Variants in TBCEL observed in about 807,000 individuals in gnomAD.
The protein encoded by TBCEL is tubulin folding cofactor E like.
TBCEL carries 15 observed loss-of-function variants against 44.2 expected under a neutral mutation model. The observed-to-expected ratio is 0.34, with a 90% CI of 0.23 to 0.52. The LOEUF is 0.52. TBCEL is among the 20% of genes least tolerant of loss of function. The pLI is 0.95. For missense variants in TBCEL, 319 were observed against 506.3 expected (o/e 0.63, Z 3.55); for synonymous variants, 171 against 185.4 (o/e 0.92, Z 0.63).
intron 2 of TBCEL, among the ~76,000 whole-genome samples, chr11:121,043,236 A>T (rs1445088724): frequency 6.6e-6 from 1 of 152,130 alleles, no homozygotes; most frequent in Non-Finnish European, 1.5e-5. Context: ...AGCGATTTTA[A>T]TACTCGGCAA....
Position 121,087,387 on chromosome 11 carries a change from G to T in TBCEL, c.*291G>T. The T allele has an allele frequency of 2.7e-6, 1 of 364,656 alleles. No homozygotes were observed. Among genetic ancestry groups the T allele is most frequent in the Non-Finnish European group, 5.0e-6 (1 of 198,444 alleles). The allele number at this position is 364,656 out of a possible 1,614,324, so 22.6% of individuals were successfully genotyped here. On this transcript the variant is annotated 3_prime_UTR_variant, in exon 9 of 9. Coordinates refer to ENST00000683345, the MANE Select transcript of TBCEL (RefSeq NM_001363644.2). ...ACCGACTTCTTACTGTGTTCACTGG[G>T]ATTTGCCTGCCACTTGGTTATCATT... is the stretch of plus-strand genomic sequence containing the variant.
intron 1 of TBCEL, among the ~76,000 whole-genome samples, chr11:121,029,464 A>G (rs952984643): frequency 6.6e-6 from 1 of 152,252 alleles, no homozygotes; most frequent in Non-Finnish European, 1.5e-5. Context: ...ATAACTGTGA[A>G]ATGGCTATTA....
intron 8 of TBCEL, among the ~76,000 whole-genome samples, chr11:121,080,409 TA>T: frequency 6.6e-6 from 1 of 152,318 alleles, no homozygotes; most frequent in East Asian, 1.9e-4. Flanking sequence ...CTGGGATATT[TA>T]TGATCCCATT....
rs1945694257 is a variant in TBCEL at position 121,060,152 on chromosome 11, G to C, written c.956+67G>C. ...ATGCCAGTTAAGAACTCTAGTGTTAGAGCAAAATCTAATCATTTGTTATTG... is the reference window on the plus strand; with the variant it reads ...ATGCCAGTTAAGAACTCTAGTGTTACAGCAAAATCTAATCATTTGTTATTG... On this transcript the variant is annotated intron_variant, in intron 8 of 8. Coordinates refer to ENST00000683345, the MANE Select transcript of TBCEL (RefSeq NM_001363644.2). 3.7e-6 allele frequency: 4 copies of C among 1,084,322 alleles called. No individual in the cohort carries two copies. The Admixed American group carries it at 5.8e-5, about 16-fold the overall frequency. The allele number at this position is 1,084,322 out of a possible 1,614,324, so 67.2% of individuals were successfully genotyped here. A position where few individuals can be genotyped will look rare whatever the true frequency, so the allele number is the denominator to read the frequency against.
chr11:121,041,551 A>C (rs1945333411), intron 2 of TBCEL, among the ~76,000 whole-genome samples: 1 of 152,132 alleles, frequency 6.6e-6, no homozygotes, highest in Non-Finnish European at 1.5e-5. Flanking sequence ...AATGCATTAG[A>C]ACTCTGCTAA....
At chr11:121,040,897 A>T (rs931248953) in intron 2 of TBCEL, among the ~76,000 whole-genome samples, 2 of 152,184 alleles carry the variant, frequency 1.3e-5, no homozygotes, top group Non-Finnish European at 2.9e-5. Flanking sequence ...TCAACTGTCG[A>T]TACTACTTTT....
chr11:121,058,132 C>T (rs1355672810), intron 6 of TBCEL, among the ~76,000 whole-genome samples: 5 of 151,770 alleles, frequency 3.3e-5, no homozygotes, highest in Admixed American at 1.3e-4. Context: ...TCTCTTAACC[C>T]GTGGATCACA....
At chr11:121,059,901 T>G in intron 7 of TBCEL, 68 bp from the exon 8 acceptor site, 1 of 1,104,626 alleles carries the variant, frequency 9.1e-7, no homozygotes, top group Non-Finnish European at 1.3e-6. Context: ...ACAAGCCAAT[T>G]AGTTTCTTTC....
At chr11:121,043,168 C>T (rs909439740) in intron 2 of TBCEL, among the ~76,000 whole-genome samples, 1 of 151,902 alleles carries the variant, frequency 6.6e-6, no homozygotes, top group Non-Finnish European at 1.5e-5. Flanking sequence ...ACTGGGTGGG[C>T]GTAAACCTGC....
intron 4 of TBCEL, among the ~76,000 whole-genome samples, chr11:121,053,059 T>A (rs1306705936): frequency 6.6e-6 from 1 of 151,856 alleles, no homozygotes; most frequent in East Asian, 1.9e-4. Context: ...TTGAAACTGT[T>A]TTCTAAGTGA....
At chr11:121,082,571 A>T (rs867203282) in intron 8 of TBCEL, among the ~76,000 whole-genome samples, 2 of 152,228 alleles carry the variant, frequency 1.3e-5, no homozygotes, top group Non-Finnish European at 2.9e-5. Context: ...TTTTAAGTAG[A>T]GGAGTGATGT....
chr11:121,039,837 A>C (rs1945299691), intron 2 of TBCEL, among the ~76,000 whole-genome samples: 1 of 152,092 alleles, frequency 6.6e-6, no homozygotes, highest in Non-Finnish European at 1.5e-5. Context: ...TTTTGTTTTC[A>C]AATAGTGGTA....
intron 1 of TBCEL, chr11:121,035,431 TGTA>T (rs1333331094): frequency 6.6e-6 from 1 of 150,518 alleles, no homozygotes; most frequent in Non-Finnish European, 1.5e-5. Context: ...TAGCACTAAA[TGTA>T]GGAGGAGCTA....
chr11:121,057,566 C>T, intron 6 of TBCEL: 1 of 454,632 alleles, frequency 2.2e-6, no homozygotes, highest in Non-Finnish European at 4.4e-6. Context: ...TCATGGACTT[C>T]ATCCATGCAT....
rs1946240094 is a variant in TBCEL, at chr11:121,087,767, T to C, written c.*671T>C. The C allele has an allele frequency of 6.6e-6, 1 of 152,202 alleles. No individual in the cohort carries two copies. The highest frequency in any genetic ancestry group is 2.4e-5 in the African/African-American group (1 of 41,436). The allele number at this position is 152,202 out of a possible 1,614,324, so 9.4% of individuals were successfully genotyped here. ...AAGAAGCTATAACTCTGTTAGAACC[T>C]CGAAGAGTAGATGTAGAATGAAAAC... On this transcript the variant is annotated 3_prime_UTR_variant, in exon 9 of 9. Coordinates refer to ENST00000683345, the MANE Select transcript of TBCEL (RefSeq NM_001363644.2).
intron 1 of TBCEL, among the ~76,000 whole-genome samples, chr11:121,026,797 T>TGTG (rs10653432): frequency 0.22 from 34,135 of 152,116 alleles, 3,875 homozygotes; most frequent in East Asian, 0.33. Context: ...GATTTTGTTT[T>TGTG]GTAGGTGCCT....
At chr11:121,028,691 G>A (rs551144988) in intron 1 of TBCEL, among the ~76,000 whole-genome samples, 1 of 152,274 alleles carries the variant, frequency 6.6e-6, no homozygotes, top group South Asian at 2.1e-4. Context: ...GCACAACAGT[G>A]GTCACCGCAG....
intron 8 of TBCEL, among the ~76,000 whole-genome samples, chr11:121,066,075 AG>A (rs910213178): frequency 6.6e-6 from 1 of 152,244 alleles, no homozygotes; most frequent in African/African-American, 2.4e-5. Context: ...CTTACATAAT[AG>A]AAAAGATTAG....
intron 4 of TBCEL, among the ~76,000 whole-genome samples, chr11:121,048,601 A>G (rs143810348): frequency 6.6e-6 from 1 of 151,966 alleles, no homozygotes; most frequent in East Asian, 1.9e-4. Context: ...TGTTTCTGCT[A>G]AGCTGTCTTC....
Sources: allele counts gnomAD v4.1 joint callset (sites outside exome capture counted in the v4.1 genomes callset), GRCh38; gene constraint gnomAD v4.1.1; transcripts MANE v1.5; gene names NCBI Gene and HGNC (gene_info 2026-07-23, HGNC 2026-07-21).